The following SLC15A2 variants were observed in gnomAD, a reference collection of about 807,000 sequenced individuals.
SLC15A2 encodes the protein solute carrier family 15 member 2.
SLC15A2 carries 77 observed loss-of-function variants against 95.5 expected under a neutral mutation model. The observed-to-expected ratio is 0.81, with a 90% CI of 0.67 to 0.97. The LOEUF is 0.97. Ranked by LOEUF, SLC15A2 falls within the 50% of genes least tolerant of loss-of-function variation. The probability of loss-of-function intolerance (pLI) is 0.00; values close to 1 mark genes in which losing one functional copy is unlikely to be tolerated. For missense variants in SLC15A2, 893 were observed against 874.4 expected (o/e 1.02, Z -0.27); for synonymous variants, 306 against 306.9 (o/e 1.00, Z 0.03).
intron 3 of SLC15A2, among the ~76,000 whole-genome samples, chr3:121,906,439 G>A (rs1709646849): frequency 6.6e-6 from 1 of 152,190 alleles, no homozygotes; most frequent in African/African-American, 2.4e-5. Flanking sequence ...AGTTGATGCA[G>A]TTTCTTTCTA....
In SLC15A2 at chr3:121,938,625, G is replaced by A. The variant is rs541656514; in HGVS notation, c.1762-724G>A. Among the ~76,000 whole-genome samples the A allele has an allele frequency of 3.4e-4, 52 of 152,310 alleles. No homozygotes were observed. The South Asian group carries it at 5.0e-3, about 15-fold the overall frequency. ...GCAATGCCTCGCCCTGCTTTGGCTCGCACACGGTGTGCTGCACCCACTGAC... is the reference window on the plus strand; with the variant it reads ...GCAATGCCTCGCCCTGCTTTGGCTCACACACGGTGTGCTGCACCCACTGAC... On this transcript the variant is annotated intron_variant, in intron 19 of 21. Coordinates refer to ENST00000489711, the MANE Select transcript of SLC15A2 (RefSeq NM_021082.4).
chr3:121,900,492 T>C (rs138142758), intron 3 of SLC15A2, among the ~76,000 whole-genome samples: 154 of 152,334 alleles, frequency 1.0e-3, no homozygotes, highest in Non-Finnish European at 1.8e-3. Context: ...ATCACATTAC[T>C]ACTCTGCTCA....
Position 121,911,566 on chromosome 3 carries a change from C to T in SLC15A2, c.336-8C>T, listed in dbSNP as rs1709767551. On this transcript the variant is annotated splice_region_variant and splice_polypyrimidine_tract_variant and intron_variant, in intron 3 of 21. Transcript: ENST00000489711. ...GTTTTAGACTGACTGATTTAGCTCT[C>T]TCAACAGGACAATCATCTATCTCTC... is the stretch of plus-strand genomic sequence containing the variant. 5 of 1,608,024 alleles carry T rather than the reference C, an allele frequency of 3.1e-6. No homozygotes were observed. The highest frequency in any genetic ancestry group is 4.3e-6 in the Non-Finnish European group (5 of 1,174,476).
At chr3:121,924,214 T>C (rs1710065237) in intron 11 of SLC15A2, 137 bp from the exon 12 acceptor site, 1 of 700,498 alleles carries the variant, frequency 1.4e-6, no homozygotes, top group African/African-American at 1.8e-5. Context: ...AGCAAAATAG[T>C]GGCCCTGAAC....
In SLC15A2 at chr3:121,929,073, A is replaced by C. The variant is rs922125330; in HGVS notation, c.1433A>C (p.Glu478Ala). The C allele has an allele frequency of 5.6e-6, 9 of 1,614,144 alleles. No homozygotes were observed. The highest frequency in any genetic ancestry group is 7.6e-6 in the Non-Finnish European group (9 of 1,180,000). The change falls in exon 16 of 22, where the codon GAG (glutamate) becomes GCG (alanine). Residue 478 changes from glutamate (E) to alanine (A), a missense_variant. Coordinates refer to ENST00000489711, the MANE Select transcript of SLC15A2 (RefSeq NM_021082.4). Reference sequence around the variant, plus strand: ...TATCACAATTTGTCTCTCTACACTGAGCATTCTGTGCAGGAGAAGAACTGG... The same window carrying C: ...TATCACAATTTGTCTCTCTACACTGCGCATTCTGTGCAGGAGAAGAACTGG... The part of the protein sequence containing the change: ...LKYHNLSLYT[E>A]HSVQEKNWYS...
intron 8 of SLC15A2, 146 bp downstream of exon 8, chr3:121,922,448 GTCT>G (rs1044303334): frequency 9.3e-6 from 6 of 642,592 alleles, no homozygotes; most frequent in East Asian, 8.4e-5. Context: ...AGATTAACCA[GTCT>G]TCTTCTTATG....
chr3:121,935,929 G>C (rs575891950), intron 19 of SLC15A2, among the ~76,000 whole-genome samples: 19 of 151,994 alleles, frequency 1.3e-4, no homozygotes, highest in Non-Finnish European at 2.6e-4. Flanking sequence ...TCTACACACT[G>C]CTTTGAATGT....
chr3:121,909,475 G>A lies in SLC15A2; in HGVS notation c.336-2099G>A, dbSNP rs781171568. On this transcript the variant is annotated intron_variant, in intron 3 of 21. Transcript: ENST00000489711. ...AAAGCATTTCTGTGTGCTATGGTTG[G>A]GATTACAATGACCCTAATATCTCGT... Among the ~76,000 whole-genome samples the A allele has an allele frequency of 1.4e-4, 21 of 152,098 alleles. 1 individual carries two copies. Among genetic ancestry groups the A allele is most frequent in the Non-Finnish European group, 2.4e-4 (16 of 68,024 alleles).
In SLC15A2 at chr3:121,900,174, G is replaced by A. The variant is rs868124494; in HGVS notation, c.335+2645G>A. 2.0e-5 allele frequency among the ~76,000 whole-genome samples: 3 copies of A among 152,116 alleles called. No homozygotes were observed. The South Asian group carries it at 6.2e-4, about 32-fold the overall frequency. On this transcript the variant is annotated intron_variant, in intron 3 of 21. Transcript: ENST00000489711. ...TATGCAGATGGCTCCTCAAATTCCA[G>A]TGAATTACATATTGGCATTCACCTC...
intron 17 of SLC15A2, 66 bp downstream of exon 17, chr3:121,929,414 G>C: frequency 1.3e-6 from 2 of 1,519,296 alleles, no homozygotes; most frequent in Non-Finnish European, 9.1e-7. Flanking sequence ...TCTAATCTTT[G>C]GGGCTGCATT....
rs913830124 is a variant in SLC15A2, at chr3:121,911,799, T to C, written c.428+133T>C. The C allele has an allele frequency of 1.8e-5, 12 of 661,622 alleles. No individual in the cohort carries two copies. The African/African-American group carries it at 2.2e-4, about 12-fold the overall frequency. The allele number at this position is 661,622 out of a possible 1,614,324, so 41.0% of individuals were successfully genotyped here. A position where few individuals can be genotyped will look rare whatever the true frequency, so the allele number is the denominator to read the frequency against. On this transcript the variant is annotated intron_variant, in intron 4 of 21. Coordinates refer to ENST00000489711, the MANE Select transcript of SLC15A2 (RefSeq NM_021082.4). ...CTACAAAACTGGTTAAGAAAAACAG[T>C]CTTATGACCAGTTGAACTCTTTCCT...
At position 121,941,506 on chromosome 3, in the gene SLC15A2, C is replaced by T. The variant is rs945492700; in HGVS notation, c.*499C>T. The stretch of plus-strand genomic sequence containing the variant: ...TATGTATGATGTGATCTGGTCCAGC[C>T]AGGGCCTGGCTTGTCAGCTCTCTAG... On this transcript the variant is annotated 3_prime_UTR_variant, in exon 22 of 22. Coordinates refer to ENST00000489711, the MANE Select transcript of SLC15A2 (RefSeq NM_021082.4). The T allele has an allele frequency of 1.3e-5, 2 of 152,162 alleles. No homozygotes were observed. The highest frequency in any genetic ancestry group is 4.8e-5 in the African/African-American group (2 of 41,418). The allele number at this position is 152,162 out of a possible 1,614,324, so 9.4% of individuals were successfully genotyped here. A position where few individuals can be genotyped will look rare whatever the true frequency, so the allele number is the denominator to read the frequency against.
chr3:121,933,069 T>C (rs1710265093), intron 19 of SLC15A2, among the ~76,000 whole-genome samples: 1 of 149,734 alleles, frequency 6.7e-6, no homozygotes, highest in East Asian at 2.0e-4. Flanking sequence ...ATTTCATCCA[T>C]GTCCCTACAA....
chr3:121,923,074 G>C lies in SLC15A2; in HGVS notation c.902G>C (p.Arg301Thr), dbSNP rs747549416. 1 of 1,614,042 alleles carries C rather than the reference G, an allele frequency of 6.2e-7. No individual in the cohort carries two copies. Among genetic ancestry groups the C allele is most frequent in the South Asian group, 1.1e-5 (1 of 91,064 alleles). The change falls in exon 10 of 22, where the codon AGG (arginine) becomes ACG (threonine). Residue 301 changes from arginine (R) to threonine (T), a missense_variant. Transcript: ENST00000489711. ...ATTATGGATGTAAAGGCACTGACCA[G>C]GGTACTATTCCTTTATATCCCATTG... Reference protein sequence around the residue: ...QLIMDVKALTRVLFLYIPLPM... With the variant: ...QLIMDVKALTTVLFLYIPLPM...
chr3:121,924,455 T>A, intron 12 of SLC15A2, 72 bp downstream of exon 12: 1 of 1,319,252 alleles, frequency 7.6e-7, no homozygotes, highest in Non-Finnish European at 1.1e-6. Flanking sequence ...AGTATTACGA[T>A]TAACAACCAT....
At position 121,931,649 on chromosome 3, in the gene SLC15A2, G is replaced by C; in HGVS notation, c.1675G>C (p.Val559Leu). Residue 559 changes from valine to leucine, a missense_variant, in exon 19 of 22, where the codon GTG becomes CTG. Coordinates refer to ENST00000489711, the MANE Select transcript of SLC15A2 (RefSeq NM_021082.4). The part of the protein sequence containing the change: ...RTVQRGEYPA[V>L]HCRTEDKNFS... ...TTCATCCTGTTCCAGATACCCTGCA[G>C]TGCACTGTAGAACAGAAGATAAGAA... 2 of 1,609,950 alleles carry C rather than the reference G, an allele frequency of 1.2e-6. No individual in the cohort carries two copies. The highest frequency in any genetic ancestry group is 1.7e-6 in the Non-Finnish European group (2 of 1,176,342).
At chr3:121,922,703 G>T in intron 8 of SLC15A2, 72 bp from the exon 9 acceptor site, 2 of 1,020,422 alleles carry the variant, frequency 2.0e-6, no homozygotes, top group Non-Finnish European at 3.0e-6. Context: ...TTGAAGGAAG[G>T]TATAATAAGT....
intron 19 of SLC15A2, chr3:121,939,067 G>T (rs146408100): frequency 3.8e-6 from 1 of 266,482 alleles, no homozygotes; most frequent in Non-Finnish European, 7.0e-6. Flanking sequence ...GGATCAAAAT[G>T]CCTGATAGGG....
At chr3:121,940,258 T>A in intron 20 of SLC15A2, 126 bp from the exon 21 acceptor site, 2 of 648,808 alleles carry the variant, frequency 3.1e-6, no homozygotes, top group Non-Finnish European at 5.6e-6. Context: ...TCTGAATCAA[T>A]GTGATAGCTG....
Sources: gnomAD v4.1 joint callset for allele counts (sites outside exome capture counted in the v4.1 genomes callset) on GRCh38, gnomAD v4.1.1 for gene constraint, MANE v1.5 for transcripts, NCBI Gene and HGNC (gene_info 2026-07-23, HGNC 2026-07-21) for gene names.